The following ENTREP2 variants were observed in gnomAD, a reference collection of about 807,000 sequenced individuals.
ENTREP2 encodes the protein endosomal transmembrane epsin interactor 2.
At chr15:29,596,979 TTTTAAA>T in the ENTREP2 span, among the ~76,000 whole-genome samples, 2 of 152,148 alleles carry the variant, frequency 1.3e-5, no homozygotes, top group African/African-American at 4.8e-5. Context: ...TCCTAATTTT[TTTTAAA>T]TTTACCTGAT....
chr15:29,298,564 A>G, the ENTREP2 span, among the ~76,000 whole-genome samples: 1 of 152,320 alleles, frequency 6.6e-6, no homozygotes, highest in Admixed American at 6.5e-5. Context: ...GAAAGCTAAT[A>G]AGAGGATATT....
At chr15:29,504,958 CAA>C in the ENTREP2 span, among the ~76,000 whole-genome samples, 1 of 152,158 alleles carries the variant, frequency 6.6e-6, no homozygotes, top group African/African-American at 2.4e-5. Flanking sequence ...TGAAGTTGTG[CAA>C]AGATTTTGAT....
the ENTREP2 span, among the ~76,000 whole-genome samples, chr15:29,497,041 T>C: frequency 6.6e-6 from 1 of 152,192 alleles, no homozygotes; most frequent in Non-Finnish European, 1.5e-5. Context: ...GCTTAGGTCA[T>C]GAGGGTTCCA....
chr15:29,436,792 G>A, the ENTREP2 span, among the ~76,000 whole-genome samples: 1 of 152,162 alleles, frequency 6.6e-6, no homozygotes, highest in South Asian at 2.1e-4. Flanking sequence ...TTCTCCACTC[G>A]TTTAAGTATT....
the ENTREP2 span, among the ~76,000 whole-genome samples, chr15:29,182,270 G>A: frequency 9.2e-5 from 14 of 151,658 alleles, no homozygotes; most frequent in Admixed American, 2.6e-4. Flanking sequence ...GACTACAGGC[G>A]CCCGCCACCG....
At chr15:29,554,574 G>T in the ENTREP2 span, among the ~76,000 whole-genome samples, 1 of 151,868 alleles carries the variant, frequency 6.6e-6, no homozygotes, top group Non-Finnish European at 1.5e-5. Flanking sequence ...ACTGTGTTGT[G>T]CAAAATCTTT....
chr15:29,634,692 C>T, the ENTREP2 span, among the ~76,000 whole-genome samples: 1 of 152,214 alleles, frequency 6.6e-6, no homozygotes, highest in Non-Finnish European at 1.5e-5. Flanking sequence ...TAGATACCAG[C>T]AACAAGTCCG....
chr15:29,299,904 G>C, the ENTREP2 span, among the ~76,000 whole-genome samples: 1 of 145,780 alleles, frequency 6.9e-6, no homozygotes, highest in South Asian at 2.2e-4. Flanking sequence ...TGAATGGATG[G>C]GTGGATGGGT....
At chr15:29,256,426 T>G in the ENTREP2 span, among the ~76,000 whole-genome samples, 1 of 152,226 alleles carries the variant, frequency 6.6e-6, no homozygotes, top group Non-Finnish European at 1.5e-5. Context: ...GTATCTCCTT[T>G]CAACCATGCC....
the ENTREP2 span, among the ~76,000 whole-genome samples, chr15:29,383,823 G>A: frequency 5.3e-5 from 8 of 152,158 alleles, no homozygotes; most frequent in East Asian, 1.3e-3. Context: ...GCACACCAGG[G>A]CTCTGCTCCC....
the ENTREP2 span, among the ~76,000 whole-genome samples, chr15:29,166,971 C>T: frequency 2.6e-5 from 4 of 152,080 alleles, no homozygotes; most frequent in Non-Finnish European, 5.9e-5. Flanking sequence ...TAAAAATAAG[C>T]ACATGGACCA....
chr15:29,162,331 C>T, the ENTREP2 span, among the ~76,000 whole-genome samples: 17 of 152,222 alleles, frequency 1.1e-4, no homozygotes, highest in African/African-American at 2.4e-4. Flanking sequence ...CGGGGGAGGG[C>T]GCAAATCTGG....
the ENTREP2 span, among the ~76,000 whole-genome samples, chr15:29,337,714 C>T: frequency 6.6e-6 from 1 of 152,126 alleles, no homozygotes; most frequent in Non-Finnish European, 1.5e-5. Context: ...CTTCCACGTG[C>T]CAGGTCCTGC....
chr15:29,416,029 C>T, the ENTREP2 span, among the ~76,000 whole-genome samples: 3 of 152,190 alleles, frequency 2.0e-5, no homozygotes, highest in African/African-American at 7.2e-5. Flanking sequence ...ATTCCATGCT[C>T]ATGGGTAGGA....
At chr15:29,595,713 TAATC>T in the ENTREP2 span, among the ~76,000 whole-genome samples, 1 of 152,214 alleles carries the variant, frequency 6.6e-6, no homozygotes, top group Non-Finnish European at 1.5e-5. Context: ...TTATATAAAT[TAATC>T]TATCCTTCAT....
the ENTREP2 span, among the ~76,000 whole-genome samples, chr15:29,627,448 C>A: frequency 6.6e-6 from 1 of 150,898 alleles, no homozygotes; most frequent in South Asian, 2.1e-4. Flanking sequence ...GAGGCTGAGG[C>A]AGGAGAATTG....
At chr15:29,523,561 A>AT in the ENTREP2 span, among the ~76,000 whole-genome samples, 4,063 of 78,426 alleles carry the variant, frequency 0.052, 431 homozygotes, top group Non-Finnish European at 0.064. Context: ...TCCCAGCTAG[A>AT]TTTTTTTTTT....
the ENTREP2 span, among the ~76,000 whole-genome samples, chr15:29,497,454 G>A: frequency 6.6e-6 from 1 of 152,032 alleles, no homozygotes. Flanking sequence ...CTCATTATTA[G>A]CCTGTTAAGA....
At chr15:29,159,969 A>G in the ENTREP2 span, among the ~76,000 whole-genome samples, 3 of 152,268 alleles carry the variant, frequency 2.0e-5, no homozygotes, top group East Asian at 3.8e-4. Flanking sequence ...GCCATGGAGC[A>G]GGAGGCGGCG....
Sources: gnomAD v4.1 joint callset for allele counts (sites outside exome capture counted in the v4.1 genomes callset) on GRCh38, gnomAD v4.1.1 for gene constraint, MANE v1.5 for transcripts, NCBI Gene and HGNC (gene_info 2026-07-23, HGNC 2026-07-21) for gene names.